Variants in LDB1 observed in about 807,000 individuals in gnomAD.
LDB1 encodes LIM domain-binding protein 1.
LDB1 carries 6 observed loss-of-function variants against 49.7 expected under a neutral mutation model. The observed-to-expected ratio is 0.12, with a 90% CI of 0.07 to 0.24. LDB1 has a LOEUF of 0.24. LDB1 is among the 10% of genes least tolerant of loss of function. LDB1 has a pLI of 1.00. For missense variants in LDB1, 341 were observed against 561.7 expected (o/e 0.61, Z 3.97); for synonymous variants, 233 against 202.0 (o/e 1.15, Z -1.30).
rs2068173415 is a variant in LDB1, at chr10:102,107,083, C to T, written c.*1010G>A. Among the ~76,000 whole-genome samples the T allele has an allele frequency of 6.6e-6, 1 of 152,114 alleles. No homozygotes were observed. Among genetic ancestry groups the T allele is most frequent in the African/African-American group, 2.4e-5 (1 of 41,392 alleles). On this transcript the variant is annotated 3_prime_UTR_variant, in exon 11 of 11. Coordinates refer to ENST00000673968, the MANE Select transcript of LDB1 (RefSeq NM_001113407.3). ...GGCTGAGCCCCTCTCCCATCCCATG[C>T]CTGCCCAACTGAAACAAAACCAAAA...
chr10:102,108,981 G>C (rs373195330), intron 10 of LDB1, 48 bp downstream of exon 10: 109 of 1,613,230 alleles, frequency 6.8e-5, no homozygotes, highest in Non-Finnish European at 9.2e-5. Context: ...GGGGTCAGGG[G>C]TGAGTGGTGG....
At chr10:102,108,515 G>A (rs909768062) in intron 10 of LDB1, among the ~76,000 whole-genome samples, 192 bp from the exon 11 acceptor site, 17 of 151,900 alleles carry the variant, frequency 1.1e-4, no homozygotes, top group Non-Finnish European at 5.9e-5. Context: ...GAACACCAGA[G>A]CATCAAAGCC....
In LDB1 at chr10:102,109,559, C is replaced by T. The variant is rs770250799; in HGVS notation, c.732+41G>A. 3.7e-6 allele frequency: 6 copies of T among 1,614,018 alleles called. No individual in the cohort carries two copies. The highest frequency in any genetic ancestry group is 5.1e-6 in the Non-Finnish European group (6 of 1,179,988). On this transcript the variant is annotated intron_variant, in intron 8 of 10. Coordinates refer to ENST00000673968, the MANE Select transcript of LDB1 (RefSeq NM_001113407.3). The surrounding 1 kb of genome is among the most constrained non-coding windows in gnomAD (Gnocchi z 5.8). ...TCAGGGGACAGACATGGAGCCGAGA[C>T]TAAATGGACTGGGGCAGAAACTGGG...
chr10:102,103,106 T>C (rs1432445989), downstream of LDB1, among the ~76,000 whole-genome samples: 1 of 152,182 alleles, frequency 6.6e-6, no homozygotes, highest in East Asian at 1.9e-4. Context: ...CTTAGCTCAC[T>C]GCAACCTCTG....
chr10:102,104,846 C>T (rs2068142113), downstream of LDB1, among the ~76,000 whole-genome samples: 1 of 152,188 alleles, frequency 6.6e-6, no homozygotes, highest in Non-Finnish European at 1.5e-5. Context: ...CATTTAACAA[C>T]ACACCCTCAT....
Position 102,108,214 on chromosome 10 carries a change from A to G in LDB1, c.1115T>C (p.Ile372Thr). 1.2e-6 allele frequency: 2 copies of G among 1,614,044 alleles called. No homozygotes were observed. Among genetic ancestry groups the G allele is most frequent in the Middle Eastern group, 1.6e-4 (1 of 6,062 alleles). Residue 372 changes from isoleucine (I) to threonine (T), a missense_variant, in exon 11 of 11, where the codon ATT (isoleucine) becomes ACT (threonine). By Grantham distance (89) the Ile-to-Thr change is moderately conservative. This residue lies in a region of LDB1 where 46 missense variants were observed against 62.9 expected (regional missense o/e 0.73). Coordinates refer to ENST00000673968, the MANE Select transcript of LDB1 (RefSeq NM_001113407.3). ...ENTQFDAANG[I>T]DDEDSFNNSP... Reference sequence around the variant, plus strand: ...GTTGTTAAAGCTGTCCTCGTCGTCAATGCCGTTGGCTGCGTCAAACTGGGT... The same window carrying G: ...GTTGTTAAAGCTGTCCTCGTCGTCAGTGCCGTTGGCTGCGTCAAACTGGGT...
At chr10:102,120,892 A>AC (rs1363601031), upstream of LDB1, among the ~76,000 whole-genome samples, 1 of 151,358 alleles carries the variant, frequency 6.6e-6, no homozygotes, top group Non-Finnish European at 1.5e-5. Flanking sequence ...GGGACTGCAG[A>AC]CCCCCTGTCC....
chr10:102,104,981 GAATT>G (rs1324034726), downstream of LDB1, among the ~76,000 whole-genome samples: 5 of 152,236 alleles, frequency 3.3e-5, no homozygotes, highest in African/African-American at 7.2e-5. Flanking sequence ...ATATTTGAAT[GAATT>G]AATTAACCAA....
downstream of LDB1, among the ~76,000 whole-genome samples, chr10:102,104,885 C>T (rs2068143325): frequency 6.6e-6 from 1 of 152,216 alleles, no homozygotes; most frequent in South Asian, 2.1e-4. Flanking sequence ...CACTCACACT[C>T]AGCAGTCACA....
intron 1 of LDB1, among the ~76,000 whole-genome samples, chr10:102,112,818 T>A (rs2133516758): frequency 6.6e-6 from 1 of 152,288 alleles, no homozygotes; most frequent in East Asian, 1.9e-4. Flanking sequence ...CTAGTGTGTA[T>A]CTGTGATGTG....
intron 1 of LDB1, among the ~76,000 whole-genome samples, chr10:102,116,753 T>C (rs2068340511): frequency 6.6e-6 from 1 of 152,084 alleles, no homozygotes; most frequent in South Asian, 2.1e-4. Flanking sequence ...ACCCCAGCTT[T>C]CACAAACATA....
At chr10:102,112,940 C>T (rs779491248) in intron 1 of LDB1, among the ~76,000 whole-genome samples, 7 of 152,190 alleles carry the variant, frequency 4.6e-5, no homozygotes, top group African/African-American at 2.4e-5. Context: ...ACCCCTGCAA[C>T]TCTGTTTCCC....
Position 102,109,241 on chromosome 10 carries a change from T to A in LDB1, c.857-64A>T. ...CAGGTCCCCTATTCTCCATTGTGGC[T>A]CCCAAGGAGCATGAGCCTGCCCTGA... is the stretch of plus-strand genomic sequence containing the variant. On this transcript the variant is annotated intron_variant, in intron 9 of 10. Transcript: ENST00000673968. This position sits in a 1 kb window ranked among gnomAD's most constrained non-coding sequence, Gnocchi z 5.8. 6.2e-7 allele frequency: 1 copy of A among 1,609,408 alleles called. No homozygotes were observed. The highest frequency in any genetic ancestry group is 8.5e-7 in the Non-Finnish European group (1 of 1,178,142).
chr10:102,108,400 C>T (rs2133500263), intron 10 of LDB1, 77 bp from the exon 11 acceptor site: 1 of 1,128,938 alleles, frequency 8.9e-7, no homozygotes, highest in Non-Finnish European at 1.3e-6. Context: ...CCCCCAGAGC[C>T]CCAGTACCCA....
chr10:102,111,906 A>G (rs1408056198), intron 1 of LDB1, among the ~76,000 whole-genome samples: 1 of 152,172 alleles, frequency 6.6e-6, no homozygotes, highest in Non-Finnish European at 1.5e-5. Context: ...TAATCCTGCT[A>G]GACTGTGTGG....
chr10:102,116,117 C>T (rs182658701), intron 1 of LDB1, among the ~76,000 whole-genome samples: 3 of 152,292 alleles, frequency 2.0e-5, no homozygotes, highest in Admixed American at 1.3e-4. Flanking sequence ...GCTCTGTGAA[C>T]ATCTTCCACA....
At chr10:102,111,398 G>C in intron 2 of LDB1, 36 bp downstream of exon 2, 4 of 1,602,180 alleles carry the variant, frequency 2.5e-6, no homozygotes, top group Non-Finnish European at 3.4e-6. Context: ...ATCCCACCTG[G>C]AGAAGGGTTA....
chr10:102,120,047 T>C, intron 1 of LDB1, 39 bp downstream of exon 1: 1 of 1,410,990 alleles, frequency 7.1e-7, no homozygotes, highest in Non-Finnish European at 9.4e-7. Flanking sequence ...CAGGGACGGC[T>C]GGGCAGGAAG....
At chr10:102,110,097 G>C in intron 6 of LDB1, 54 bp from the exon 7 acceptor site, 1 of 1,576,148 alleles carries the variant, frequency 6.3e-7, no homozygotes, top group Non-Finnish European at 8.7e-7. Flanking sequence ...ATACCTGAAG[G>C]TATGTCTATT....
Sources: gnomAD v4.1 joint callset for allele counts (sites outside exome capture counted in the v4.1 genomes callset) on GRCh38, gnomAD v4.1.1 for gene constraint, gnomAD v4.1.1 regional missense constraint, Gnocchi (gnomAD v3.1) non-coding constraint, MANE v1.5 for transcripts, NCBI Gene and HGNC (gene_info 2026-07-23, HGNC 2026-07-21) for gene names.